Variants in XXYLT1 observed in about 807,000 individuals in gnomAD.
XXYLT1 encodes UDP-xylose:alpha-xyloside alpha-1,3-xylosyltransferase.
A neutral mutation model predicts 28.9 loss-of-function variants in XXYLT1; 20 were observed. The ratio of observed to expected loss-of-function variants is 0.69; its 90% CI spans 0.49 to 1.00. XXYLT1 has a LOEUF of 1.00. Among genes scored for constraint, XXYLT1 ranks in the 50% least tolerant of loss-of-function variants. The probability of loss-of-function intolerance (pLI) is 0.00; values close to 1 mark genes in which losing one functional copy is unlikely to be tolerated. For missense variants in XXYLT1, 542 were observed against 560.1 expected (o/e 0.97, Z 0.33); for synonymous variants, 257 against 253.8 (o/e 1.01, Z -0.12).
At chr3:195,110,358 T>TGGGTGAG (rs1577039424) in intron 3 of XXYLT1, among the ~76,000 whole-genome samples, 1 of 127,394 alleles carries the variant, frequency 7.8e-6, no homozygotes, top group Non-Finnish European at 1.6e-5. Flanking sequence ...GTGTGGTGTA[T>TGGGTGAG]GTGCGTGCGT....
chr3:195,196,886 G>A (rs1722647114), intron 2 of XXYLT1, among the ~76,000 whole-genome samples: 1 of 151,828 alleles, frequency 6.6e-6, no homozygotes, highest in Admixed American at 6.6e-5. Flanking sequence ...AAAAAAAGTA[G>A]CACATTTGAG....
chr3:195,257,324 A>G lies in XXYLT1; in HGVS notation c.504+13231T>C, dbSNP rs1287304018. On this transcript the variant is annotated intron_variant, in intron 1 of 3. Transcript: ENST00000310380. The surrounding 1 kb of genome is among the most constrained non-coding windows in gnomAD (Gnocchi z 4.3). Reference sequence around the variant, plus strand: ...GCGCCACTACATCCTGGAGACACAGAATGAAATAAGACACAGTGCTCATCC... The same window carrying G: ...GCGCCACTACATCCTGGAGACACAGGATGAAATAAGACACAGTGCTCATCC... 1.3e-5 allele frequency among the ~76,000 whole-genome samples: 2 copies of G among 152,134 alleles called. No individual in the cohort carries two copies. Among genetic ancestry groups the G allele is most frequent in the African/African-American group, 4.8e-5 (2 of 41,416 alleles).
intron 1 of XXYLT1, among the ~76,000 whole-genome samples, chr3:195,260,782 G>C (rs934946968): frequency 2.6e-5 from 4 of 152,232 alleles, no homozygotes; most frequent in African/African-American, 9.6e-5. Context: ...GTATCAGCTG[G>C]ACGGGGGACA....
chr3:195,228,696 G>T (rs1724168349), intron 1 of XXYLT1, among the ~76,000 whole-genome samples: 1 of 151,670 alleles, frequency 6.6e-6, no homozygotes, highest in South Asian at 2.1e-4. Context: ...CACCATGTTA[G>T]CCAGGATGGT....
At chr3:195,243,799 GAC>G (rs1260664494) in intron 1 of XXYLT1, among the ~76,000 whole-genome samples, 6 of 152,206 alleles carry the variant, frequency 3.9e-5, no homozygotes, top group African/African-American at 1.4e-4. Flanking sequence ...GAAAGAAAAA[GAC>G]AGAACCACAG....
At position 195,238,917 on chromosome 3, in the gene XXYLT1, G is replaced by A. The variant is rs534862814; in HGVS notation, c.505-12061C>T. On this transcript the variant is annotated intron_variant, in intron 1 of 3. Transcript: ENST00000310380. ...AGAACGGATCTGCGCAGGCATACACGCAGAGCAGGGCTGCTGCAGCCAAAC... is the reference window on the plus strand; with the variant it reads ...AGAACGGATCTGCGCAGGCATACACACAGAGCAGGGCTGCTGCAGCCAAAC... Among the ~76,000 whole-genome samples the A allele has an allele frequency of 1.2e-4, 19 of 152,288 alleles. 1 individual carries two copies. The South Asian group carries it at 2.1e-3, about 17-fold the overall frequency.
chr3:195,135,539 C>T (rs1577065921), intron 3 of XXYLT1, among the ~76,000 whole-genome samples: 1 of 152,188 alleles, frequency 6.6e-6, no homozygotes, highest in East Asian at 1.9e-4. Flanking sequence ...GGCACCTCCA[C>T]ACTTCCCTGG....
At chr3:195,269,588 C>T (rs539588667) in intron 1 of XXYLT1, among the ~76,000 whole-genome samples, 80 of 152,302 alleles carry the variant, frequency 5.3e-4, no homozygotes, top group Non-Finnish European at 9.3e-4. Flanking sequence ...ACCCCGTAGG[C>T]AACAAGGAGC....
At chr3:195,225,911 G>A (rs1724028555) in intron 2 of XXYLT1, among the ~76,000 whole-genome samples, 1 of 152,140 alleles carries the variant, frequency 6.6e-6, no homozygotes, top group Admixed American at 6.5e-5. Flanking sequence ...TTCCATGACT[G>A]TAAGTTTCCT....
chr3:195,129,931 G>A lies in XXYLT1; in HGVS notation c.785+26518C>T, dbSNP rs1718820132. ...GTACCACTTCATATTCCCACCACCA[G>A]TGAGTGCGGGTTCCCATGCCTCCAA... On this transcript the variant is annotated intron_variant, in intron 3 of 3. Coordinates refer to ENST00000310380, the MANE Select transcript of XXYLT1 (RefSeq NM_152531.5). The surrounding 1 kb of genome is among the most constrained non-coding windows in gnomAD (Gnocchi z 4.4). 6.6e-6 allele frequency among the ~76,000 whole-genome samples: 1 copy of A among 152,136 alleles called. No homozygotes were observed. Among genetic ancestry groups the A allele is most frequent in the Admixed American group, 6.5e-5 (1 of 15,272 alleles).
intron 2 of XXYLT1, among the ~76,000 whole-genome samples, chr3:195,172,607 G>A: frequency 6.6e-6 from 1 of 152,202 alleles, no homozygotes; most frequent in East Asian, 1.9e-4. Flanking sequence ...ATAAGGCAGG[G>A]GAAAGACAGG....
intron 2 of XXYLT1, among the ~76,000 whole-genome samples, chr3:195,162,797 A>ACG (rs1160284159): frequency 2.0e-5 from 3 of 152,224 alleles, no homozygotes; most frequent in Non-Finnish European, 4.4e-5. Context: ...CAGCACATAT[A>ACG]ACACCCAATG....
chr3:195,205,623 G>A (rs977627802), intron 2 of XXYLT1, among the ~76,000 whole-genome samples: 1 of 152,222 alleles, frequency 6.6e-6, no homozygotes, highest in Non-Finnish European at 1.5e-5. Context: ...AGCACTGTGG[G>A]AGGCCGAGGC....
intron 2 of XXYLT1, among the ~76,000 whole-genome samples, chr3:195,162,241 T>C (rs1473186627): frequency 6.6e-6 from 1 of 152,218 alleles, no homozygotes; most frequent in Non-Finnish European, 1.5e-5. Context: ...CTGCCCATGC[T>C]GCCCTGCCTT....
intron 3 of XXYLT1, among the ~76,000 whole-genome samples, chr3:195,121,360 G>T (rs533631533): frequency 1.3e-5 from 2 of 152,298 alleles, no homozygotes; most frequent in Admixed American, 1.3e-4. Context: ...GCCTTGGGTT[G>T]GTGCACGCAG....
intron 1 of XXYLT1, chr3:195,247,931 G>C: frequency 1.6e-6 from 1 of 614,064 alleles, no homozygotes; most frequent in South Asian, 1.8e-5. Context: ...GAGAAGAGCA[G>C]GGAGGAAGTC....
chr3:195,204,787 G>A (rs191422622), intron 2 of XXYLT1, among the ~76,000 whole-genome samples: 1 of 152,234 alleles, frequency 6.6e-6, no homozygotes, highest in Non-Finnish European at 1.5e-5. Context: ...AGCCAGGCTA[G>A]GAAACGCAGG....
At chr3:195,106,354 A>G (rs1717085570) in intron 3 of XXYLT1, among the ~76,000 whole-genome samples, 1 of 151,444 alleles carries the variant, frequency 6.6e-6, no homozygotes, top group African/African-American at 2.4e-5. Flanking sequence ...TGATGGAGAG[A>G]TGCTCTTGCT....
Position 195,078,112 on chromosome 3 carries a change from G to C in XXYLT1, c.786-8001C>G, listed in dbSNP as rs1715226050. Among the ~76,000 whole-genome samples the C allele has an allele frequency of 6.6e-6, 1 of 152,160 alleles. No homozygotes were observed. Among genetic ancestry groups the C allele is most frequent in the Non-Finnish European group, 1.5e-5 (1 of 68,028 alleles). ...AGCCAGAAACAGCCATGGCGGAGCT[G>C]GGAGGAGTGGGTGTGGGGCGGAGGA... On this transcript the variant is annotated intron_variant, in intron 3 of 3. Transcript: ENST00000310380. This position sits in a 1 kb window ranked among gnomAD's most constrained non-coding sequence, Gnocchi z 5.0.
Sources: allele counts gnomAD v4.1 joint callset (sites outside exome capture counted in the v4.1 genomes callset), GRCh38; gene constraint gnomAD v4.1.1; non-coding constraint Gnocchi (gnomAD v3.1); transcripts MANE v1.5; gene names NCBI Gene and HGNC (gene_info 2026-07-23, HGNC 2026-07-21).